Variants in DMD observed in about 807,000 individuals in gnomAD.
DMD encodes dystrophin.
DMD carries 63 observed loss-of-function variants against 330.1 expected under a neutral mutation model. The observed-to-expected ratio is 0.19, with a 90% CI of 0.16 to 0.24. DMD has a LOEUF of 0.24. Ranked by LOEUF, DMD falls within the 10% of genes least tolerant of loss-of-function variation. The pLI is 1.00. For synonymous variants in DMD, 1,223 were observed against 959.8 expected (o/e 1.27, Z -5.07); for missense variants, 3,344 against 2,684.1 (o/e 1.25, Z -5.43).
chrX:32,657,279 G>T (rs1272720103), intron 9 of DMD, among the ~76,000 whole-genome samples: 1 of 111,200 alleles, frequency 9.0e-6, no homozygotes, highest in Non-Finnish European at 1.9e-5. Flanking sequence ...GAAAATAATA[G>T]AAGATTTAGA....
chrX:31,569,417 G>A, intron 55 of DMD, among the ~76,000 whole-genome samples: 1 of 107,828 alleles, frequency 9.3e-6, no homozygotes. Flanking sequence ...TCAATTTGTG[G>A]AGGGCTGATG....
chrX:32,311,391 AG>A (rs1312663172), intron 41 of DMD, among the ~76,000 whole-genome samples: 1 of 111,329 alleles, frequency 9.0e-6, no homozygotes, highest in African/African-American at 3.3e-5. Context: ...CCACACAAAG[AG>A]GAGTAAAATT....
At chrX:32,683,996 A>AACACACACAC (rs751597257) in intron 9 of DMD, among the ~76,000 whole-genome samples, 1 of 100,520 alleles carries the variant, frequency 9.9e-6, no homozygotes, top group African/African-American at 3.7e-5. Context: ...GCACATACAA[A>AACACACACAC]ACACACACAC....
intron 2 of DMD, among the ~76,000 whole-genome samples, chrX:33,004,517 T>A (rs12846941): frequency 0.054 from 6,016 of 111,626 alleles, 201 homozygotes; most frequent in East Asian, 0.2. Context: ...TGAAAATTTA[T>A]ATTTAATATG....
intron 1 of DMD, among the ~76,000 whole-genome samples, chrX:33,241,937 T>A (rs1037493982): frequency 9.0e-6 from 1 of 110,635 alleles, no homozygotes; most frequent in Admixed American, 9.6e-5. Context: ...AATTTTTGTA[T>A]TTTTAGTAGA....
chrX:31,287,233 A>G (rs1035829668), intron 62 of DMD, among the ~76,000 whole-genome samples: 2 of 112,228 alleles, frequency 1.8e-5, no homozygotes, highest in African/African-American at 6.5e-5. Context: ...GGTTTCACAT[A>G]AGAATATTAT....
chrX:31,979,523 T>A (rs2095461466), intron 44 of DMD, among the ~76,000 whole-genome samples: 1 of 112,225 alleles, frequency 8.9e-6, no homozygotes, highest in African/African-American at 3.2e-5. Flanking sequence ...AACTGCAGAA[T>A]TTTTATGCAC....
chrX:32,234,089 T>C (rs1244200192), intron 43 of DMD, among the ~76,000 whole-genome samples: 3 of 111,474 alleles, frequency 2.7e-5, no homozygotes, highest in Non-Finnish European at 5.6e-5. Context: ...GTCCACCAAA[T>C]AGACAGCAGG....
At chrX:32,713,445 A>T (rs1431564098) in intron 7 of DMD, among the ~76,000 whole-genome samples, 2 of 111,361 alleles carry the variant, frequency 1.8e-5, no homozygotes, top group African/African-American at 3.3e-5. Context: ...TCCCTGCTCC[A>T]GAGCTGCATA....
Position 31,450,100 on chromosome X carries a change from ACT to A in DMD, c.8938-5475_8938-5474del, listed in dbSNP as rs1465964605. Among the ~76,000 whole-genome samples the A allele has an allele frequency of 2.7e-5, 3 of 110,701 alleles. No homozygotes were observed. The East Asian group carries it at 8.5e-4, about 31-fold the overall frequency. The stretch of plus-strand genomic sequence containing the variant: ...GTCAAACAAATGTTTGTTAACCAAG[ACT>A]CTTGGAAAACAGCCTAAAAAGAGGA... On this transcript the variant is annotated intron_variant, in intron 59 of 78. Transcript: ENST00000357033.
intron 42 of DMD, among the ~76,000 whole-genome samples, chrX:32,309,663 T>G (rs1052899692): frequency 4.5e-5 from 5 of 111,313 alleles, no homozygotes; most frequent in African/African-American, 1.6e-4. Context: ...AAATTGAATA[T>G]GTATACATAA....
At chrX:31,824,840 A>G (rs1603482089) in intron 49 of DMD, among the ~76,000 whole-genome samples, 1 of 111,869 alleles carries the variant, frequency 8.9e-6, no homozygotes, top group African/African-American at 3.2e-5. Context: ...TAATTTAACT[A>G]TCATCAGTGC....
chrX:32,815,520 T>TATATATATATATACACAC, intron 6 of DMD, among the ~76,000 whole-genome samples: 31 of 78,916 alleles, frequency 3.9e-4, no homozygotes, highest in Admixed American at 4.6e-4. Flanking sequence ...TATATATATA[T>TATATATATATATACACAC]ACACACACAC....
At chrX:31,710,184 A>G (rs1049865972) in intron 52 of DMD, among the ~76,000 whole-genome samples, 4 of 111,698 alleles carry the variant, frequency 3.6e-5, no homozygotes, top group African/African-American at 1.3e-4. Context: ...GGATGAAGTA[A>G]CCCAGATGAA....
intron 29 of DMD, among the ~76,000 whole-genome samples, chrX:32,432,247 T>G (rs2098241429): frequency 1.8e-5 from 2 of 111,742 alleles, no homozygotes; most frequent in South Asian, 3.7e-4. Context: ...ATGTGGAATC[T>G]GTGTTTAGCT....
At chrX:32,537,909 C>T (rs1383595758) in intron 17 of DMD, among the ~76,000 whole-genome samples, 1 of 112,220 alleles carries the variant, frequency 8.9e-6, no homozygotes, top group Non-Finnish European at 1.9e-5. Flanking sequence ...TGTAGCCAGA[C>T]ATCCAAAGAT....
chrX:32,875,378 T>TA (rs756119415), intron 2 of DMD, among the ~76,000 whole-genome samples: 476 of 112,279 alleles, frequency 4.2e-3, no homozygotes, highest in African/African-American at 0.014. Flanking sequence ...TACACTGCTA[T>TA]AACCTTAGGA....
At chrX:31,707,644 T>C (rs1199617867) in intron 52 of DMD, among the ~76,000 whole-genome samples, 1 of 111,657 alleles carries the variant, frequency 9.0e-6, no homozygotes, top group Non-Finnish European at 1.9e-5. Context: ...AACTTCTGTG[T>C]TGTGAAAAGG....
intron 16 of DMD, among the ~76,000 whole-genome samples, chrX:32,556,621 A>C (rs2050335290): frequency 8.9e-6 from 1 of 112,030 alleles, no homozygotes; most frequent in Admixed American, 9.5e-5. Context: ...GGAATACTAT[A>C]ATGCCACAAA....
Sources: gnomAD v4.1 joint callset for allele counts (sites outside exome capture counted in the v4.1 genomes callset) on GRCh38, gnomAD v4.1.1 for gene constraint, MANE v1.5 for transcripts, NCBI Gene and HGNC (gene_info 2026-07-23, HGNC 2026-07-21) for gene names.